The following KLHL29 variants were observed in gnomAD, a reference collection of about 807,000 sequenced individuals.
The protein encoded by KLHL29 is kelch like family member 29, also known as kelch-like protein 29.
KLHL29 carries 21 observed loss-of-function variants against 80.4 expected under a neutral mutation model. The observed-to-expected ratio is 0.26, with a 90% CI of 0.19 to 0.38. The LOEUF (loss-of-function observed/expected upper bound fraction) is 0.38, where lower values mean the gene tolerates loss of function less well. Ranked by LOEUF, KLHL29 falls within the 10% of genes least tolerant of loss-of-function variation. The probability of loss-of-function intolerance (pLI) is 1.00; values close to 1 mark genes in which losing one functional copy is unlikely to be tolerated. For missense variants in KLHL29, 867 were observed against 1,223.9 expected (o/e 0.71, Z 4.35); for synonymous variants, 511 against 526.8 (o/e 0.97, Z 0.41).
chr2:23,427,542 G>A (rs937721206), intron 1 of KLHL29, among the ~76,000 whole-genome samples: 1 of 152,172 alleles, frequency 6.6e-6, no homozygotes, highest in South Asian at 2.1e-4. Context: ...ATTAGTTTAT[G>A]GCCTTCTGCT....
intron 3 of KLHL29, among the ~76,000 whole-genome samples, chr2:23,567,952 G>C (rs988932574): frequency 6.6e-6 from 1 of 152,232 alleles, no homozygotes; most frequent in Admixed American, 6.5e-5. Flanking sequence ...TTAGTACTGA[G>C]CTAATGGGTT....
chr2:23,593,023 G>A (rs1263601941), intron 3 of KLHL29, among the ~76,000 whole-genome samples: 2 of 152,164 alleles, frequency 1.3e-5, no homozygotes, highest in Non-Finnish European at 2.9e-5. Context: ...GTCCACCGTG[G>A]AGTCATGCAG....
intron 5 of KLHL29, among the ~76,000 whole-genome samples, chr2:23,670,995 TCCCTCC>T (rs1418849295): frequency 6.7e-5 from 2 of 29,814 alleles, no homozygotes; most frequent in African/African-American, 4.5e-4. Context: ...CCTCCCTCCC[TCCCTCC>T]CCCCCCCCAC....
At position 23,601,014 on chromosome 2, in the gene KLHL29, C is replaced by T. The variant is rs572161345; in HGVS notation, c.286-38125C>T. On this transcript the variant is annotated intron_variant, in intron 3 of 13. Transcript: ENST00000486442. ...AACAACCCTGTGATGTAGGTATTGC[C>T]ATTCCCGTTTTATAGAGAAGAAAAC... Among the ~76,000 whole-genome samples, 3 of 152,286 alleles carry T rather than the reference C, an allele frequency of 2.0e-5. No individual in the cohort carries two copies. In the South Asian group the frequency reaches 6.2e-4, roughly 32 times the overall value.
chr2:23,641,201 C>T (rs1669760216), intron 4 of KLHL29, among the ~76,000 whole-genome samples: 3 of 152,192 alleles, frequency 2.0e-5, no homozygotes, highest in Admixed American at 1.3e-4. Flanking sequence ...TAGGTCACCC[C>T]GCCTGGCACA....
intron 1 of KLHL29, among the ~76,000 whole-genome samples, chr2:23,395,461 T>C (rs939585271): frequency 1.3e-5 from 2 of 152,176 alleles, no homozygotes; most frequent in African/African-American, 4.8e-5. Flanking sequence ...AAACTACGAT[T>C]GCAGGCCAGG....
At chr2:23,649,240 C>G (rs1276620772) in intron 5 of KLHL29, among the ~76,000 whole-genome samples, 7 of 152,204 alleles carry the variant, frequency 4.6e-5, no homozygotes, top group African/African-American at 1.7e-4. Context: ...GCCCCCACTC[C>G]TGATACACAC....
intron 1 of KLHL29, among the ~76,000 whole-genome samples, chr2:23,418,209 C>T (rs1426975728): frequency 6.6e-6 from 1 of 152,208 alleles, no homozygotes; most frequent in Non-Finnish European, 1.5e-5. Context: ...TGCCCTCCTG[C>T]CTGACTCCCC....
At chr2:23,664,941 T>C (rs1670513181) in intron 5 of KLHL29, among the ~76,000 whole-genome samples, 1 of 152,234 alleles carries the variant, frequency 6.6e-6, no homozygotes, top group South Asian at 2.1e-4. Context: ...CTAGAAAAGC[T>C]GAGGAGGTGA....
chr2:23,586,652 C>T (rs1250279246), intron 3 of KLHL29, among the ~76,000 whole-genome samples: 5 of 152,086 alleles, frequency 3.3e-5, no homozygotes, highest in Non-Finnish European at 4.4e-5. Context: ...TGAGCCACCG[C>T]GCCCGGCCAG....
chr2:23,592,013 G>A (rs1668275663), intron 3 of KLHL29, among the ~76,000 whole-genome samples: 5 of 152,252 alleles, frequency 3.3e-5, no homozygotes, highest in South Asian at 2.1e-4. Flanking sequence ...GGCATCTGCC[G>A]TGACTTGGAG....
In KLHL29 at chr2:23,593,363, G is replaced by A. The variant is rs1668316038; in HGVS notation, c.285+30882G>A. Among the ~76,000 whole-genome samples, 4 of 152,318 alleles carry A rather than the reference G, an allele frequency of 2.6e-5. No homozygotes were observed. The South Asian group carries it at 8.3e-4, about 32-fold the overall frequency. ...GATTTTTCACATTCTTTTCTGTGTGGAAGAGTGGGGGTGGTCATACAAGAG... is the reference window on the plus strand; with the variant it reads ...GATTTTTCACATTCTTTTCTGTGTGAAAGAGTGGGGGTGGTCATACAAGAG... On this transcript the variant is annotated intron_variant, in intron 3 of 13. Transcript: ENST00000486442.
rs137937995 is a variant in KLHL29, at chr2:23,583,182, A to G, written c.285+20701A>G. 4.3e-3 allele frequency among the ~76,000 whole-genome samples: 653 copies of G among 152,204 alleles called. 4 individuals are homozygous for G. The highest frequency in any genetic ancestry group is 0.015 in the African/African-American group (624 of 41,522). The stretch of plus-strand genomic sequence containing the variant: ...CGGACCTCCCAAACTGTGAGAAGGG[A>G]CCTTTCTGTCCTGTAAGCCACCCAC... On this transcript the variant is annotated intron_variant, in intron 3 of 13. Coordinates refer to ENST00000486442, the MANE Select transcript of KLHL29 (RefSeq NM_052920.2).
intron 1 of KLHL29, among the ~76,000 whole-genome samples, chr2:23,442,559 A>C (rs1663558972): frequency 6.6e-6 from 1 of 152,206 alleles, no homozygotes; most frequent in Non-Finnish European, 1.5e-5. Context: ...AAAGGCAAGA[A>C]AATGGGCCTT....
chr2:23,532,943 G>A (rs62125418), intron 2 of KLHL29, among the ~76,000 whole-genome samples: 4,505 of 152,212 alleles, frequency 0.03, 116 homozygotes, highest in Non-Finnish European at 0.047. Flanking sequence ...CTCAGCTGGC[G>A]GTGAGAAAGC....
chr2:23,686,164 G>A (rs1671248911), intron 6 of KLHL29, among the ~76,000 whole-genome samples: 1 of 224 alleles, frequency 4.5e-3, no homozygotes, highest in Admixed American at 0.056. Flanking sequence ...GGGGCAGATG[G>A]CCCTCCAGAG....
chr2:23,423,887 G>A (rs1662926418), intron 1 of KLHL29, among the ~76,000 whole-genome samples: 2 of 152,202 alleles, frequency 1.3e-5, no homozygotes, highest in African/African-American at 4.8e-5. Flanking sequence ...CTGAAGACGA[G>A]CAGGGAGCTT....
chr2:23,553,733 G>A (rs773793472), intron 2 of KLHL29, among the ~76,000 whole-genome samples: 2 of 152,172 alleles, frequency 1.3e-5, no homozygotes, highest in African/African-American at 4.8e-5. Context: ...TCCCAGCCCC[G>A]CCATGTGCCC....
At chr2:23,507,574 A>G (rs1665640970) in intron 2 of KLHL29, among the ~76,000 whole-genome samples, 1 of 152,168 alleles carries the variant, frequency 6.6e-6, no homozygotes, top group Admixed American at 6.5e-5. Flanking sequence ...GGCAGAGGCT[A>G]CATTCTTGAA....
Sources: gnomAD v4.1 joint callset for allele counts (sites outside exome capture counted in the v4.1 genomes callset) on GRCh38, gnomAD v4.1.1 for gene constraint, MANE v1.5 for transcripts, NCBI Gene and HGNC (gene_info 2026-07-23, HGNC 2026-07-21) for gene names.